The following ADRA1D variants were observed in gnomAD, a reference collection of about 807,000 sequenced individuals.
ADRA1D encodes the protein adrenoceptor alpha 1D, also known as alpha-1D adrenergic receptor.
ADRA1D carries 22 observed loss-of-function variants against 18.6 expected under a neutral mutation model. The ratio of observed to expected loss-of-function variants is 1.19; its 90% CI spans 0.85 to 1.69. ADRA1D has a LOEUF of 1.69. ADRA1D is among the 40% of genes most tolerant of loss of function. The probability of loss-of-function intolerance (pLI) is 0.00; values close to 1 mark genes in which losing one functional copy is unlikely to be tolerated. For missense variants in ADRA1D, 840 were observed against 840.7 expected (o/e 1.00, Z 0.01); for synonymous variants, 376 against 388.2 (o/e 0.97, Z 0.37).
chr20:4,228,880 T>C (rs542436202), intron 1 of ADRA1D, among the ~76,000 whole-genome samples: 1 of 152,252 alleles, frequency 6.6e-6, no homozygotes, highest in East Asian at 1.9e-4. Flanking sequence ...GCCACCACCT[T>C]CTTCTCTCCA....
At chr20:4,241,265 A>T (rs898419034) in intron 1 of ADRA1D, among the ~76,000 whole-genome samples, 1 of 152,184 alleles carries the variant, frequency 6.6e-6, no homozygotes, top group Non-Finnish European at 1.5e-5. Flanking sequence ...GAAATTGGGA[A>T]TTGCTAATCA....
In ADRA1D at chr20:4,222,172, G is replaced by A. The variant is rs773479185; in HGVS notation, c.1112-42C>T. 6.3e-7 allele frequency: 1 copy of A among 1,587,220 alleles called. No homozygotes were observed. The highest frequency in any genetic ancestry group is 8.6e-7 in the Non-Finnish European group (1 of 1,165,112). ...CCGATACTATTTAGCTGCTTGGGGAGGGGGAGGCCAGGCGGCTCTGGGCGC... is the reference window on the plus strand; with the variant it reads ...CCGATACTATTTAGCTGCTTGGGGAAGGGGAGGCCAGGCGGCTCTGGGCGC... On this transcript the variant is annotated intron_variant, in intron 1 of 1. Transcript: ENST00000379453. The surrounding 1 kb of genome is among the most constrained non-coding windows in gnomAD (Gnocchi z 4.3).
intron 1 of ADRA1D, among the ~76,000 whole-genome samples, chr20:4,246,931 A>T (rs1344760593): frequency 6.6e-6 from 1 of 152,146 alleles, no homozygotes; most frequent in Non-Finnish European, 1.5e-5. Context: ...CAGGCCTGGG[A>T]GAGGCAGAGA....
intron 1 of ADRA1D, among the ~76,000 whole-genome samples, chr20:4,223,598 C>T (rs1242613921): frequency 6.6e-6 from 1 of 152,136 alleles, no homozygotes; most frequent in Non-Finnish European, 1.5e-5. Context: ...CAGTCCCTGA[C>T]TTTGATGGTT....
chr20:4,228,929 T>C (rs967207978), intron 1 of ADRA1D, among the ~76,000 whole-genome samples: 3 of 152,270 alleles, frequency 2.0e-5, no homozygotes, highest in African/African-American at 7.2e-5. Context: ...TGTCCCCACC[T>C]GACCTCACTC....
chr20:4,227,332 C>T (rs1282709320), intron 1 of ADRA1D, among the ~76,000 whole-genome samples: 2 of 152,214 alleles, frequency 1.3e-5, no homozygotes, highest in Non-Finnish European at 2.9e-5. Flanking sequence ...GTCTCTCTTA[C>T]ACCACTCGCT....
rs1981428672 is a variant in ADRA1D at position 4,248,854 on chromosome 20, G to GCGCCGCCCGCGCCGCCCCCGC, written c.103_104insGCGGGGGCGGCGCGGGCGGCG (p.Gly34_Ala35insGlyGlyGlyGlyAlaGlyGly). 9.8e-7 allele frequency: 1 copy of GCGCCGCCCGCGCCGCCCCCGC among 1,020,460 alleles called. No homozygotes were observed. The highest frequency in any genetic ancestry group is 1.8e-5 in the African/African-American group (1 of 57,082). The allele number at this position is 1,020,460 out of a possible 1,614,324, so 63.2% of individuals were successfully genotyped here. ...CACCGCCGGGCCCTCCGAGGGGGCCGCGCCGCCCGCGCTGCCCCCGCCGCC... is the reference window on the plus strand; with the variant it reads ...CACCGCCGGGCCCTCCGAGGGGGCCGCGCCGCCCGCGCCGCCCCCGCCGCCGCCCGCGCTGCCCCCGCCGCC... On this transcript the variant is annotated inframe_insertion, in exon 1 of 2. Coordinates refer to ENST00000379453, the MANE Select transcript of ADRA1D (RefSeq NM_000678.4).
chr20:4,242,899 CAG>C (rs566902651), intron 1 of ADRA1D, among the ~76,000 whole-genome samples: 216 of 149,730 alleles, frequency 1.4e-3, no homozygotes, highest in African/African-American at 4.8e-3. Context: ...TAGGTCTCGG[CAG>C]ACAGTCCACC....
At chr20:4,247,719 A>C (rs1046912637) in intron 1 of ADRA1D, 128 bp downstream of exon 1, 8 of 1,097,284 alleles carry the variant, frequency 7.3e-6, no homozygotes, top group African/African-American at 1.7e-5. Flanking sequence ...CCTGCCTCTT[A>C]GGAGACTCAG....
chr20:4,230,500 AT>A (rs1980927558), intron 1 of ADRA1D, among the ~76,000 whole-genome samples: 1 of 152,090 alleles, frequency 6.6e-6, no homozygotes, highest in African/African-American at 2.4e-5. Context: ...TTGCTCTGTC[AT>A]TTCATTTTGC....
chr20:4,241,027 C>G (rs1186085454), intron 1 of ADRA1D, among the ~76,000 whole-genome samples: 1 of 152,184 alleles, frequency 6.6e-6, no homozygotes, highest in Non-Finnish European at 1.5e-5. Flanking sequence ...TAAATATTAA[C>G]TGTCCTGTTA....
At chr20:4,233,039 T>C (rs1981005384) in intron 1 of ADRA1D, among the ~76,000 whole-genome samples, 1 of 152,192 alleles carries the variant, frequency 6.6e-6, no homozygotes, top group African/African-American at 2.4e-5. Flanking sequence ...CAGTGATGCA[T>C]GTCTGCCGTC....
Position 4,221,265 on chromosome 20 carries a change from G to A in ADRA1D, c.*258C>T, listed in dbSNP as rs186232781. On this transcript the variant is annotated 3_prime_UTR_variant, in exon 2 of 2. Coordinates refer to ENST00000379453, the MANE Select transcript of ADRA1D (RefSeq NM_000678.4). Reference sequence around the variant, plus strand: ...CTCAAATAGGGATTGGGAGCAAAAGGCCCCACGGAGCCCGCAGCCTCTCCC... The same window carrying A: ...CTCAAATAGGGATTGGGAGCAAAAGACCCCACGGAGCCCGCAGCCTCTCCC... The A allele has an allele frequency of 1.7e-5, 7 of 412,552 alleles. No individual in the cohort carries two copies. The Admixed American group carries it at 2.9e-4, about 17-fold the overall frequency. The allele number at this position is 412,552 out of a possible 1,614,324, so 25.6% of individuals were successfully genotyped here.
chr20:4,234,928 G>A (rs1305400623), intron 1 of ADRA1D, among the ~76,000 whole-genome samples: 7 of 152,346 alleles, frequency 4.6e-5, no homozygotes, highest in African/African-American at 1.7e-4. Context: ...TGGAGAAGGG[G>A]AGGAGGAGAG....
intron 1 of ADRA1D, among the ~76,000 whole-genome samples, chr20:4,230,932 A>G (rs1429654183): frequency 1.3e-5 from 2 of 152,026 alleles, no homozygotes; most frequent in African/African-American, 4.8e-5. Context: ...AGGTTCATAC[A>G]ATTTGCTATT....
chr20:4,231,038 T>TTCTTTC (rs71332805), intron 1 of ADRA1D, among the ~76,000 whole-genome samples: 1 of 108,620 alleles, frequency 9.2e-6, no homozygotes, highest in African/African-American at 3.8e-5. Flanking sequence ...CTTTCTTTCT[T>TTCTTTC]TTTCTTTCTT....
intron 1 of ADRA1D, among the ~76,000 whole-genome samples, chr20:4,241,785 C>T (rs1039887561): frequency 6.6e-6 from 1 of 152,178 alleles, no homozygotes; most frequent in Non-Finnish European, 1.5e-5. Flanking sequence ...TATGCATAAT[C>T]CACTCTCCGC....
chr20:4,227,307 G>A (rs1980821542), intron 1 of ADRA1D, among the ~76,000 whole-genome samples: 3 of 152,178 alleles, frequency 2.0e-5, no homozygotes, highest in Admixed American at 2.0e-4. Context: ...AGCTCCAGTG[G>A]CATCTCCTTC....
At chr20:4,228,345 C>G (rs1980870140) in intron 1 of ADRA1D, among the ~76,000 whole-genome samples, 1 of 152,170 alleles carries the variant, frequency 6.6e-6, no homozygotes, top group African/African-American at 2.4e-5. Flanking sequence ...TCTCCCTTTT[C>G]CTTTACCGGC....
Sources: allele counts gnomAD v4.1 joint callset (sites outside exome capture counted in the v4.1 genomes callset), GRCh38; gene constraint gnomAD v4.1.1; non-coding constraint Gnocchi (gnomAD v3.1); transcripts MANE v1.5; gene names NCBI Gene and HGNC (gene_info 2026-07-23, HGNC 2026-07-21).